The following PARVA variants were observed in gnomAD, a reference collection of about 807,000 sequenced individuals.
PARVA encodes alpha-parvin.
In PARVA, 25 loss-of-function variants were observed where a neutral mutation model predicts 52.6. The ratio of observed to expected loss-of-function variants is 0.48; its 90% CI spans 0.35 to 0.66. The LOEUF (loss-of-function observed/expected upper bound fraction) is 0.66, where lower values mean the gene tolerates loss of function less well. PARVA is among the 30% of genes least tolerant of loss of function. The probability of loss-of-function intolerance (pLI) is 0.01; values close to 1 mark genes in which losing one functional copy is unlikely to be tolerated. For missense variants in PARVA, 373 were observed against 450.9 expected (o/e 0.83, Z 1.56); for synonymous variants, 185 against 179.1 (o/e 1.03, Z -0.26).
chr11:12,522,347 C>CAAAAATCATCAAAACAATGATTTT (rs1941646983), intron 12 of PARVA, among the ~76,000 whole-genome samples: 1 of 149,692 alleles, frequency 6.7e-6, no homozygotes. Context: ...TAAAACTGGA[C>CAAAAATCATCAAAACAATGATTTT]AAAAATCATC....
chr11:12,458,185 C>G (rs146689981), intron 1 of PARVA, among the ~76,000 whole-genome samples: 136 of 152,336 alleles, frequency 8.9e-4, no homozygotes, highest in African/African-American at 3.0e-3. Context: ...GCACAAGCTC[C>G]AAAACTTCAG....
At chr11:12,383,241 C>T (rs574086080) in intron 1 of PARVA, among the ~76,000 whole-genome samples, 3 of 152,208 alleles carry the variant, frequency 2.0e-5, no homozygotes, top group African/African-American at 7.2e-5. Flanking sequence ...TGTGTGGATT[C>T]TTTCACTGCC....
Position 12,532,371 on chromosome 11 carries a change from C to T in PARVA, c.*4446C>T, listed in dbSNP as rs548128790. 2.4e-4 allele frequency among the ~76,000 whole-genome samples: 36 copies of T among 152,222 alleles called. 1 individual carries two copies. In the South Asian group the frequency reaches 4.6e-3, roughly 19 times the overall value. ...GCACCTCAGAGTCCCCTACATAATG[C>T]GTATTAGGACTTTCTAAGGGAAGAC... On this transcript the variant is annotated 3_prime_UTR_variant, in exon 13 of 13. Transcript: ENST00000334956.
At chr11:12,496,780 G>GA (rs1453040188) in intron 5 of PARVA, among the ~76,000 whole-genome samples, 182 bp downstream of exon 5, 4 of 152,206 alleles carry the variant, frequency 2.6e-5, no homozygotes, top group Non-Finnish European at 4.4e-5. Context: ...TACCCTTGGG[G>GA]AAAAATAACA....
intron 6 of PARVA, among the ~76,000 whole-genome samples, chr11:12,505,610 A>G (rs921319791): frequency 1.3e-5 from 2 of 152,216 alleles, no homozygotes; most frequent in African/African-American, 2.4e-5. Context: ...GGAAATGGGA[A>G]TGTGTGTGGC....
intron 10 of PARVA, among the ~76,000 whole-genome samples, chr11:12,516,827 G>C (rs1023077532): frequency 3.3e-5 from 5 of 152,168 alleles, no homozygotes; most frequent in African/African-American, 1.2e-4. Context: ...CTGTTTTACA[G>C]ATAAGACATA....
intron 4 of PARVA, among the ~76,000 whole-genome samples, chr11:12,493,831 A>G (rs904986025): frequency 2.6e-5 from 4 of 152,206 alleles, no homozygotes; most frequent in Non-Finnish European, 5.9e-5. Context: ...TTCTCTATGG[A>G]CAGCAACAGG....
chr11:12,447,551 C>G (rs1243918248), intron 1 of PARVA, among the ~76,000 whole-genome samples: 1 of 152,200 alleles, frequency 6.6e-6, no homozygotes, highest in African/African-American at 2.4e-5. Flanking sequence ...GCTGGGACAG[C>G]AGCTCCCATA....
chr11:12,519,298 T>C (rs1941609574), intron 12 of PARVA, among the ~76,000 whole-genome samples: 1 of 152,186 alleles, frequency 6.6e-6, no homozygotes, highest in South Asian at 2.1e-4. Context: ...TGGGCTCTCA[T>C]GCCCCCTTCC....
At chr11:12,475,360 CTGTTGTCGTCTCCACGTAATATT>C (rs1400837583) in intron 3 of PARVA, among the ~76,000 whole-genome samples, 1 of 152,232 alleles carries the variant, frequency 6.6e-6, no homozygotes, top group Non-Finnish European at 1.5e-5. Flanking sequence ...ATCCTTAGTT[CTGTTGTCGTCTCCACGTAATATT>C]ATAGCTTCTC....
At chr11:12,454,839 C>A (rs1243769051) in intron 1 of PARVA, among the ~76,000 whole-genome samples, 1 of 152,126 alleles carries the variant, frequency 6.6e-6, no homozygotes, top group African/African-American at 2.4e-5. Flanking sequence ...AAAAACACAA[C>A]TATATTCATG....
At position 12,434,886 on chromosome 11, in the gene PARVA, C is replaced by T. The variant is rs933334082; in HGVS notation, c.137-38859C>T. ...CCAGGTCTGAAGATAATCACTTAGTCTGCCTAAGTGACTTGGTTACAAACC... is the reference window on the plus strand; with the variant it reads ...CCAGGTCTGAAGATAATCACTTAGTTTGCCTAAGTGACTTGGTTACAAACC... On this transcript the variant is annotated intron_variant, in intron 1 of 12. Transcript: ENST00000334956. Among the ~76,000 whole-genome samples, 28 of 152,160 alleles carry T rather than the reference C, an allele frequency of 1.8e-4. 1 individual carries two copies. Among genetic ancestry groups the T allele is most frequent in the Non-Finnish European group, 1.3e-4 (9 of 68,030 alleles).
intron 1 of PARVA, among the ~76,000 whole-genome samples, chr11:12,404,386 A>G (rs1939873400): frequency 6.6e-6 from 1 of 152,214 alleles, no homozygotes; most frequent in South Asian, 2.1e-4. Flanking sequence ...GGAGAGCATG[A>G]GGGCCCCAAA....
Position 12,377,704 on chromosome 11 carries a change from G to T in PARVA, c.57G>T (p.Ser19=). ...TCCCCAAGTCTCCCACTCCCAAGTC[G>T]CCCCCGTCCCGCAAGAAAGATGATT... ...PSVPKSPTPK[S]PPSRKKDDSF... Residue 19 remains serine (S), a synonymous_variant, in exon 1 of 13, where the codon TCG becomes TCT. Coordinates refer to ENST00000334956, the MANE Select transcript of PARVA (RefSeq NM_018222.5). 6.4e-7 allele frequency: 1 copy of T among 1,565,962 alleles called. No individual in the cohort carries two copies.
chr11:12,459,501 C>T (rs762866330), intron 1 of PARVA, among the ~76,000 whole-genome samples: 4 of 152,114 alleles, frequency 2.6e-5, no homozygotes, highest in Non-Finnish European at 5.9e-5. Context: ...TTCCCAGAGG[C>T]CCCACATTCC....
intron 1 of PARVA, among the ~76,000 whole-genome samples, chr11:12,424,336 C>G (rs538682472): frequency 1.3e-5 from 2 of 151,280 alleles, no homozygotes; most frequent in African/African-American, 2.4e-5. Flanking sequence ...TGTATTTATT[C>G]TCTATTTATT....
At chr11:12,424,892 G>C (rs545840122) in intron 1 of PARVA, among the ~76,000 whole-genome samples, 1 of 152,202 alleles carries the variant, frequency 6.6e-6, no homozygotes, top group African/African-American at 2.4e-5. Flanking sequence ...TGCTAGCTCT[G>C]TCTTTGTAGG....
chr11:12,516,021 T>A (rs946215500), intron 10 of PARVA, among the ~76,000 whole-genome samples: 1 of 152,164 alleles, frequency 6.6e-6, no homozygotes, highest in Non-Finnish European at 1.5e-5. Flanking sequence ...GTATTTTTAG[T>A]ACAGACAGGG....
At chr11:12,470,220 A>G (rs1482729234) in intron 1 of PARVA, among the ~76,000 whole-genome samples, 1 of 152,230 alleles carries the variant, frequency 6.6e-6, no homozygotes, top group Non-Finnish European at 1.5e-5. Flanking sequence ...GTGCAGTTGA[A>G]GGGTGGTCTT....
Sources: allele counts gnomAD v4.1 joint callset (sites outside exome capture counted in the v4.1 genomes callset), GRCh38; gene constraint gnomAD v4.1.1; transcripts MANE v1.5; gene names NCBI Gene and HGNC (gene_info 2026-07-23, HGNC 2026-07-21).